ADGRL1: variants seen among roughly 807,000 people sequenced by gnomAD.
The protein encoded by ADGRL1 is adhesion G protein-coupled receptor L1.
In ADGRL1, 31 loss-of-function variants were observed where a neutral mutation model predicts 148.9. The ratio of observed to expected loss-of-function variants is 0.21; its 90% confidence interval spans 0.16 to 0.28. The LOEUF (loss-of-function observed/expected upper bound fraction) is 0.28, where lower values mean the gene tolerates loss of function less well. Among genes scored for constraint, ADGRL1 ranks in the 10% least tolerant of loss-of-function variants. The probability of loss-of-function intolerance (pLI) is 1.00; values close to 1 mark genes in which losing one functional copy is unlikely to be tolerated. For missense variants in ADGRL1, 1,521 were observed against 2,058.8 expected (o/e 0.74, Z 5.05); for synonymous variants, 937 against 900.3 (o/e 1.04, Z -0.73).
At position 14,157,590 on chromosome 19, in the gene ADGRL1, C is replaced by A. The variant is rs1388306249; in HGVS notation, c.2536-130G>T. 13 of 893,706 alleles carry A rather than the reference C, an allele frequency of 1.5e-5. No homozygotes were observed. The highest frequency in any genetic ancestry group is 2.3e-5 in the Non-Finnish European group (13 of 575,446). The allele number at this position is 893,706 out of a possible 1,614,324, so 55.4% of individuals were successfully genotyped here. A position where few individuals can be genotyped will look rare whatever the true frequency, so the allele number is the denominator to read the frequency against. ...AGGACCTCTGGTGCCGCCAACCTGG[C>A]AGCCCTCACCCCTCTGCACGCAGCA... On this transcript the variant is annotated intron_variant, in intron 13 of 22. Transcript: ENST00000361434. The surrounding 1 kb of genome is among the most constrained non-coding windows in gnomAD (Gnocchi z 7.5).
Position 14,172,694 on chromosome 19 carries a change from C to T in ADGRL1, c.285-1903G>A, listed in dbSNP as rs547853045. On this transcript the variant is annotated intron_variant, in intron 3 of 22. Transcript: ENST00000361434. The stretch of plus-strand genomic sequence containing the variant: ...GGCAGAGGTTGCAGTGAGCCGAGAT[C>T]GCACCGCTGTACTCCAGAAGTAGAC... Among the ~76,000 whole-genome samples, 7 of 152,204 alleles carry T rather than the reference C, an allele frequency of 4.6e-5. No individual in the cohort carries two copies. In the East Asian group the frequency reaches 1.2e-3, roughly 25 times the overall value.
In ADGRL1 at chr19:14,148,540, CCT is replaced by C. The variant is rs1380901814; in HGVS notation, c.*2331_*2332del. On this transcript the variant is annotated 3_prime_UTR_variant, in exon 23 of 23. Transcript: ENST00000361434. ...ATGCCTCCTGCCCGCTCTTCACAGA[CCT>C]CTGACCACCCCTCCACACAACAGAG... is the stretch of plus-strand genomic sequence containing the variant. The C allele has an allele frequency of 6.6e-6, 1 of 152,646 alleles. No individual in the cohort carries two copies. The highest frequency in any genetic ancestry group is 1.9e-4 in the East Asian group (1 of 5,194). The allele number at this position is 152,646 out of a possible 1,614,324, so 9.5% of individuals were successfully genotyped here. A position where few individuals can be genotyped will look rare whatever the true frequency, so the allele number is the denominator to read the frequency against.
rs374454857 is a variant in ADGRL1, at chr19:14,157,128, G to A, written c.2763C>T (p.Phe921=). Residue 921 remains phenylalanine (F), a synonymous_variant, in exon 15 of 23, where the codon TTC becomes TTT. Coordinates refer to ENST00000361434, the MANE Select transcript of ADGRL1 (RefSeq NM_014921.5). The surrounding 1 kb of genome is among the most constrained non-coding windows in gnomAD (Gnocchi z 7.5). The part of the protein sequence containing the change: ...KTQYEIACPI[F]AGLLHYFFLA... Reference sequence around the variant, plus strand: ...GGAAGAAATAGTGCAGCAGGCCGGCGAAGATGGGGCAGGCAATCTGCGGGG... The same window carrying A: ...GGAAGAAATAGTGCAGCAGGCCGGCAAAGATGGGGCAGGCAATCTGCGGGG... 23 of 1,613,930 alleles carry A rather than the reference G, an allele frequency of 1.4e-5. No homozygotes were observed. The highest frequency in any genetic ancestry group is 3.3e-4 in the Middle Eastern group (2 of 6,082).
chr19:14,201,031 G>A (rs1295666236), intron 1 of ADGRL1, among the ~76,000 whole-genome samples: 2 of 152,162 alleles, frequency 1.3e-5, no homozygotes, highest in African/African-American at 2.4e-5. Context: ...TGGGGCTGGA[G>A]GTGTCACTGA....
intron 2 of ADGRL1, 22 bp from the exon 3 acceptor site, chr19:14,177,766 G>A (rs1568609482): frequency 1.3e-5 from 21 of 1,598,700 alleles, no homozygotes; most frequent in South Asian, 2.2e-5. Context: ...GTTGGGGATG[G>A]TGTCACTCCT....
chr19:14,152,609 C>T lies in ADGRL1; in HGVS notation c.3428G>A (p.Arg1143Gln), dbSNP rs773194754. 1.4e-5 allele frequency: 22 copies of T among 1,613,728 alleles called. No homozygotes were observed. Among genetic ancestry groups the T allele is most frequent in the East Asian group, 2.2e-5 (1 of 44,886 alleles). ...NTRYYTGTQS[R>Q]IRRMWNDTVR... ...AGTGTCATTCCACATCCTCCGAATT[C>T]GGCTCTGGGAACACAACCCAAATGT... Residue 1143 changes from arginine to glutamine, a missense_variant, in exon 20 of 23, where the codon CGA (arginine) becomes CAA (glutamine). Transcript: ENST00000361434. This position sits in a 1 kb window ranked among gnomAD's most constrained non-coding sequence, Gnocchi z 6.1.
At chr19:14,198,687 T>C (rs1179043768) in intron 1 of ADGRL1, among the ~76,000 whole-genome samples, 3 of 152,066 alleles carry the variant, frequency 2.0e-5, no homozygotes, top group Admixed American at 1.3e-4. Flanking sequence ...CATGCAGTTG[T>C]GAAACATTTC....
At position 14,151,464 on chromosome 19, in the gene ADGRL1, C is replaced by T. The variant is rs770770656; in HGVS notation, c.3819G>A (p.Ala1273=). 12 of 1,612,604 alleles carry T rather than the reference C, an allele frequency of 7.4e-6. No homozygotes were observed. Among genetic ancestry groups the T allele is most frequent in the Non-Finnish European group, 9.3e-6 (11 of 1,179,652 alleles). ...PPRGRNLADA[A]AFEKMIISEL... is the part of the protein sequence containing the mutation. ...CTGAGATGATCATCTTCTCAAAGGC[C>T]GCCGCATCGGCTAGGTTCCGGCCTC... Residue 1273 remains alanine (A), a synonymous_variant, in exon 23 of 23, where the codon GCG becomes GCA. Transcript: ENST00000361434.
At position 14,181,565 on chromosome 19, in the gene ADGRL1, A is replaced by G. The variant is rs574142070; in HGVS notation, c.70+1968T>C. Among the ~76,000 whole-genome samples, 9 of 152,144 alleles carry G rather than the reference A, an allele frequency of 5.9e-5. No individual in the cohort carries two copies. In the South Asian group the frequency reaches 1.9e-3, roughly 32 times the overall value. ...GAAACCCTGTCTCTACTAAAAATACAAAAAATTAGCCGGGCATGGTGGCAG... is the reference window on the plus strand; with the variant it reads ...GAAACCCTGTCTCTACTAAAAATACGAAAAATTAGCCGGGCATGGTGGCAG... On this transcript the variant is annotated intron_variant, in intron 2 of 22. Coordinates refer to ENST00000361434, the MANE Select transcript of ADGRL1 (RefSeq NM_014921.5).
At chr19:14,177,797 A>C (rs1243807923) in intron 2 of ADGRL1, 53 bp from the exon 3 acceptor site, 5 of 1,525,978 alleles carry the variant, frequency 3.3e-6, no homozygotes, top group South Asian at 1.1e-5. Context: ...CAGGAAGGGA[A>C]GACCCTACCC....
chr19:14,151,025 T>C lies in ADGRL1; in HGVS notation c.4258A>G (p.Thr1420Ala). 1.3e-6 allele frequency: 2 copies of C among 1,510,312 alleles called. No homozygotes were observed. The highest frequency in any genetic ancestry group is 1.2e-5 in the South Asian group (1 of 81,790). 93.6% of individuals were successfully genotyped at this position (1,510,312 alleles called of 1,614,324 possible). Residue 1420 changes from threonine to alanine, a missense_variant, in exon 23 of 23, where the codon ACC (threonine) becomes GCC (alanine). Coordinates refer to ENST00000361434, the MANE Select transcript of ADGRL1 (RefSeq NM_014921.5). ...APPGPPEIYY[T>A]SRPPALVARN... ...GCCACCAGGGCTGGCGGGCGCGAGG[T>C]GTAGTAGATTTCGGGGGGGCCGGGG...
At chr19:14,185,299 TTTC>T (rs1455699187) in intron 1 of ADGRL1, among the ~76,000 whole-genome samples, 1 of 152,044 alleles carries the variant, frequency 6.6e-6, no homozygotes, top group Non-Finnish European at 1.5e-5. Flanking sequence ...TCTCTCTCTC[TTTC>T]TTTTTTTAAG....
intron 1 of ADGRL1, among the ~76,000 whole-genome samples, chr19:14,201,803 C>T (rs768601876): frequency 4.6e-5 from 7 of 152,130 alleles, no homozygotes; most frequent in African/African-American, 9.7e-5. Flanking sequence ...ACAACATCCT[C>T]GCGCGCTTGG....
At chr19:14,192,969 T>G (rs1282185110) in intron 1 of ADGRL1, among the ~76,000 whole-genome samples, 1 of 152,154 alleles carries the variant, frequency 6.6e-6, no homozygotes, top group South Asian at 2.1e-4. Context: ...AAAAACTTAC[T>G]GAAGACAGGG....
intron 2 of ADGRL1, among the ~76,000 whole-genome samples, chr19:14,181,994 C>A (rs1167273343): frequency 6.6e-6 from 1 of 152,146 alleles, no homozygotes; most frequent in Non-Finnish European, 1.5e-5. Context: ...TGCGTTGCCC[C>A]ATGTTGGTCA....
chr19:14,181,824 C>T (rs1213003660), intron 2 of ADGRL1, among the ~76,000 whole-genome samples: 1 of 152,196 alleles, frequency 6.6e-6, no homozygotes, highest in Non-Finnish European at 1.5e-5. Flanking sequence ...GGTCATCCTG[C>T]AGGGATCCTG....
intron 1 of ADGRL1, among the ~76,000 whole-genome samples, chr19:14,186,043 G>A (rs1971552325): frequency 2.6e-5 from 4 of 152,134 alleles, no homozygotes; most frequent in Admixed American, 1.3e-4. Context: ...CATGGTGGCC[G>A]TATCCCCAAC....
At chr19:14,158,176 C>A in intron 12 of ADGRL1, 124 bp from the exon 13 acceptor site, 1 of 1,247,644 alleles carries the variant, frequency 8.0e-7, no homozygotes, top group Non-Finnish European at 1.1e-6. Context: ...GTCTGGGGCT[C>A]CAGTTGACAT....
intron 3 of ADGRL1, among the ~76,000 whole-genome samples, chr19:14,175,310 C>T (rs1314586494): frequency 6.6e-6 from 1 of 152,126 alleles, no homozygotes; most frequent in Non-Finnish European, 1.5e-5. Context: ...CAGTCAACCA[C>T]ACACAAACCC....
Sources: gnomAD v4.1 joint callset for allele counts (sites outside exome capture counted in the v4.1 genomes callset) on GRCh38, gnomAD v4.1.1 for gene constraint, Gnocchi (gnomAD v3.1) non-coding constraint, MANE v1.5 for transcripts, NCBI Gene and HGNC (gene_info 2026-07-23, HGNC 2026-07-21) for gene names.